The following AAGAB variants were observed in gnomAD, a reference collection of about 807,000 sequenced individuals.
AAGAB encodes the protein alpha- and gamma-adaptin-binding protein p34.
A neutral mutation model predicts 44.1 loss-of-function variants in AAGAB; 38 were observed. The observed-to-expected ratio is 0.86, with a 90% CI of 0.67 to 1.13. AAGAB has a LOEUF of 1.13. Ranked by LOEUF, AAGAB falls within the 50% of genes most tolerant of loss-of-function variation. AAGAB has a pLI of 0.00. For synonymous variants in AAGAB, 131 were observed against 131.8 expected (o/e 0.99, Z 0.04); for missense variants, 450 against 373.8 (o/e 1.20, Z -1.68).
At chr15:67,228,494 G>A (rs1964256727) in intron 5 of AAGAB, among the ~76,000 whole-genome samples, 3 of 152,230 alleles carry the variant, frequency 2.0e-5, no homozygotes, top group Non-Finnish European at 2.9e-5. Context: ...TGAGGTTGCA[G>A]AGGAAAGGGA....
intron 7 of AAGAB, among the ~76,000 whole-genome samples, chr15:67,208,003 C>A (rs115192787): frequency 1.3e-5 from 2 of 152,102 alleles, no homozygotes; most frequent in Admixed American, 6.5e-5. Flanking sequence ...AGTTCCCCAG[C>A]GAAAGAAGAT....
intron 1 of AAGAB, among the ~76,000 whole-genome samples, chr15:67,240,740 T>A (rs942439836): frequency 3.9e-5 from 6 of 152,178 alleles, no homozygotes; most frequent in Non-Finnish European, 7.4e-5. Flanking sequence ...TCTCATATGG[T>A]AAGTTACAGG....
intron 5 of AAGAB, among the ~76,000 whole-genome samples, chr15:67,213,892 T>C (rs571278809): frequency 5.8e-4 from 89 of 152,364 alleles, no homozygotes; most frequent in African/African-American, 2.1e-3. Context: ...GAAATAAACA[T>C]ATATCTTCTT....
At chr15:67,223,936 A>G (rs1964141469) in intron 5 of AAGAB, among the ~76,000 whole-genome samples, 1 of 152,066 alleles carries the variant, frequency 6.6e-6, no homozygotes, top group Non-Finnish European at 1.5e-5. Flanking sequence ...AGATATCCAC[A>G]TGGTGAAACA....
rs28398194 is a variant in AAGAB, at chr15:67,210,406, C to T, written c.536-862G>A. 4.8e-3 allele frequency among the ~76,000 whole-genome samples: 730 copies of T among 151,886 alleles called. 5 individuals carry two copies. Among genetic ancestry groups the T allele is most frequent in the African/African-American group, 0.017 (686 of 41,398 alleles). ...TGGTGGGCACCTGTAATCTCAGCTACTCGGGAGGCTGAGGCAGGAGAATCG... is the reference window on the plus strand; with the variant it reads ...TGGTGGGCACCTGTAATCTCAGCTATTCGGGAGGCTGAGGCAGGAGAATCG... On this transcript the variant is annotated intron_variant, in intron 5 of 9. Coordinates refer to ENST00000261880, the MANE Select transcript of AAGAB (RefSeq NM_024666.5).
intron 5 of AAGAB, among the ~76,000 whole-genome samples, chr15:67,216,060 C>T (rs1254921087): frequency 2.0e-5 from 3 of 151,840 alleles, no homozygotes; most frequent in Non-Finnish European, 4.4e-5. Context: ...ATGAACATGA[C>T]CAGAAAATAA....
chr15:67,219,203 A>G (rs907379146), intron 5 of AAGAB, among the ~76,000 whole-genome samples: 7 of 152,158 alleles, frequency 4.6e-5, no homozygotes, highest in African/African-American at 1.7e-4. Flanking sequence ...TTTCCCCCTA[A>G]TTTTGACACA....
chr15:67,254,843 T>A, upstream of AAGAB: 4 of 1,577,486 alleles, frequency 2.5e-6, no homozygotes. Flanking sequence ...CGGCTGAAGG[T>A]TTCCGTGCTT....
intron 5 of AAGAB, among the ~76,000 whole-genome samples, chr15:67,217,329 C>T (rs544922636): frequency 1.3e-5 from 2 of 152,242 alleles, no homozygotes; most frequent in Admixed American, 6.5e-5. Flanking sequence ...CAAGAGAACA[C>T]GGGTAAAGAC....
chr15:67,254,750 T>TA (rs1965043474), upstream of AAGAB: 17 of 1,344,036 alleles, frequency 1.3e-5, no homozygotes, highest in Admixed American at 3.4e-4. Flanking sequence ...CAGGCTGGCC[T>TA]GACCCCGCCC....
Position 67,204,151 on chromosome 15 carries a change from GA to G in AAGAB, c.716-4del. ...AATATCCAGATCTAACATGGGATCT[GA>G]AATAGGGATTTGTCACATTATCTGT... On this transcript the variant is annotated splice_polypyrimidine_tract_variant and splice_region_variant and intron_variant, in intron 7 of 9. Coordinates refer to ENST00000261880, the MANE Select transcript of AAGAB (RefSeq NM_024666.5). 6.3e-7 allele frequency: 1 copy of G among 1,579,776 alleles called. No individual in the cohort carries two copies. The highest frequency in any genetic ancestry group is 1.7e-5 in the Admixed American group (1 of 59,246).
intron 1 of AAGAB, among the ~76,000 whole-genome samples, chr15:67,249,906 T>C (rs1964822061): frequency 6.6e-6 from 1 of 152,208 alleles, no homozygotes; most frequent in Non-Finnish European, 1.5e-5. Context: ...AAAACATGTT[T>C]GGGAAGAGTA....
chr15:67,234,755 G>A (rs771809102), intron 4 of AAGAB, among the ~76,000 whole-genome samples: 1 of 152,156 alleles, frequency 6.6e-6, no homozygotes, highest in Non-Finnish European at 1.5e-5. Flanking sequence ...GAAAATTCTA[G>A]TGCCAGAAAT....
At chr15:67,246,419 G>A (rs1964723950) in intron 1 of AAGAB, among the ~76,000 whole-genome samples, 1 of 150,744 alleles carries the variant, frequency 6.6e-6, no homozygotes, top group Non-Finnish European at 1.5e-5. Flanking sequence ...TGAAAAAACA[G>A]TTTCACAACT....
At chr15:67,212,500 T>C (rs1337906872) in intron 5 of AAGAB, among the ~76,000 whole-genome samples, 2 of 152,178 alleles carry the variant, frequency 1.3e-5, no homozygotes, top group African/African-American at 4.8e-5. Context: ...TGTATGACCT[T>C]AGACAAATTA....
chr15:67,221,921 A>C (rs1022582531), intron 5 of AAGAB, among the ~76,000 whole-genome samples: 1 of 152,132 alleles, frequency 6.6e-6, no homozygotes, highest in Non-Finnish European at 1.5e-5. Flanking sequence ...GGTCATACCC[A>C]GACCTTATTA....
At chr15:67,227,694 A>C (rs1362189665) in intron 5 of AAGAB, among the ~76,000 whole-genome samples, 5 of 152,178 alleles carry the variant, frequency 3.3e-5, no homozygotes, top group Admixed American at 6.5e-5. Context: ...CTCTAAAAAC[A>C]GCATAGGAGG....
At chr15:67,221,775 T>A (rs894317431) in intron 5 of AAGAB, among the ~76,000 whole-genome samples, 1 of 152,210 alleles carries the variant, frequency 6.6e-6, no homozygotes. Context: ...TCACACAAAC[T>A]ATTTGAAGGC....
rs947693327 is a variant in AAGAB at position 67,203,748 on chromosome 15, T to A, written c.821-151A>T. On this transcript the variant is annotated intron_variant, in intron 8 of 9. Transcript: ENST00000261880. ...TAGGAAGTTTTTAAGTCTTCCAAAT[T>A]TTCCAGATGGGAATGATGTGAGTAA... 1.1e-5 allele frequency: 8 copies of A among 699,290 alleles called. No homozygotes were observed. In the African/African-American group the frequency reaches 1.4e-4, roughly 13 times the overall value. 43.3% of individuals were successfully genotyped at this position (699,290 alleles called of 1,614,324 possible). A position where few individuals can be genotyped will look rare whatever the true frequency, so the allele number is the denominator to read the frequency against.
Sources: gnomAD v4.1 joint callset for allele counts (sites outside exome capture counted in the v4.1 genomes callset) on GRCh38, gnomAD v4.1.1 for gene constraint, MANE v1.5 for transcripts, NCBI Gene and HGNC (gene_info 2026-07-23, HGNC 2026-07-21) for gene names.